Variants in ATP23 observed in about 807,000 individuals in gnomAD.
The protein encoded by ATP23 is ATP23 metallopeptidase and ATP synthase assembly factor homolog.
Under a neutral mutation model 28.5 loss-of-function variants are expected in ATP23, and 24 were observed. The ratio of observed to expected loss-of-function variants is 0.84; its 90% CI spans 0.61 to 1.18. The LOEUF (loss-of-function observed/expected upper bound fraction) is 1.18. ATP23 is among the 50% of genes most tolerant of loss of function. The probability of loss-of-function intolerance (pLI) is 0.00; values close to 1 mark genes in which losing one functional copy is unlikely to be tolerated. For synonymous variants in ATP23, 99 were observed against 108.6 expected, an observed-to-expected ratio of 0.91 and a Z score of 0.55; for missense variants, 274 against 306.4, an observed-to-expected ratio of 0.89 and a Z score of 0.79.
Position 57,941,616 on chromosome 12 carries a change from C to A in ATP23, c.-86C>A. The A allele has an allele frequency of 6.6e-7, 1 of 1,504,522 alleles. No homozygotes were observed. Among genetic ancestry groups the A allele is most frequent in the Non-Finnish European group, 8.9e-7 (1 of 1,127,714 alleles). 93.2% of individuals were successfully genotyped at this position (1,504,522 alleles called of 1,614,324 possible). ...CCTGCGGAGGGAGGGCCTGGGCGGT[C>A]GCGTTGGCGGGAGGGAGGTTACCTT... On this transcript the variant is annotated 5_prime_UTR_variant, in exon 1 of 6. Transcript: ENST00000300145.
chr12:57,944,472 T>C (rs1001075749), intron 1 of ATP23, among the ~76,000 whole-genome samples: 1 of 152,192 alleles, frequency 6.6e-6, no homozygotes, highest in African/African-American at 2.4e-5. Context: ...CATAGAGTCT[T>C]AGATGTGGAA....
intron 4 of ATP23, among the ~76,000 whole-genome samples, chr12:57,953,124 T>G (rs1178086847): frequency 6.6e-6 from 1 of 152,084 alleles, no homozygotes; most frequent in Admixed American, 6.5e-5. Context: ...CGGGCAAGGG[T>G]TGGGAGGGGC....
At position 57,944,214 on chromosome 12, in the gene ATP23, T is replaced by C. The variant is rs377206049; in HGVS notation, c.188-1414T>C. The stretch of plus-strand genomic sequence containing the variant: ...GTATTGTTAACAATAATTATTCTAC[T>C]GTGAACACTCTTGCAAGGGGCAGGT... On this transcript the variant is annotated intron_variant, in intron 1 of 5. Transcript: ENST00000300145. Among the ~76,000 whole-genome samples the C allele has an allele frequency of 5.6e-4, 85 of 152,300 alleles. 4 individuals carry two copies. The highest frequency in any genetic ancestry group is 3.1e-3 in the East Asian group (16 of 5,192).
chr12:57,947,494 T>C (rs978367532), intron 3 of ATP23, among the ~76,000 whole-genome samples: 2 of 151,970 alleles, frequency 1.3e-5, no homozygotes, highest in Admixed American at 1.3e-4. Flanking sequence ...TTGTCTAGTT[T>C]ATCTGGAGGG....
At chr12:57,945,902 G>T (rs1956756131) in intron 2 of ATP23, among the ~76,000 whole-genome samples, 2 of 145,702 alleles carry the variant, frequency 1.4e-5, no homozygotes, top group South Asian at 4.4e-4. Context: ...TCTCGCTCTT[G>T]TTGTCCAGGT....
At position 57,957,095 on chromosome 12, in the gene ATP23, T is replaced by C. The variant is rs867718899; in HGVS notation, c.*205T>C. 1.4e-5 allele frequency: 6 copies of C among 425,304 alleles called. No individual in the cohort carries two copies. In the South Asian group the frequency reaches 4.2e-4, roughly 29 times the overall value. 26.3% of individuals were successfully genotyped at this position (425,304 alleles called of 1,614,324 possible). ...AACTCCAAGGCAGAAATTGTATCTT[T>C]ATAGCTAACCATTTAGTAAATAAAT... On this transcript the variant is annotated 3_prime_UTR_variant, in exon 6 of 6. Coordinates refer to ENST00000300145, the MANE Select transcript of ATP23 (RefSeq NM_033276.4).
At chr12:57,951,698 T>C in intron 3 of ATP23, 60 bp from the exon 4 acceptor site, 1 of 1,590,206 alleles carries the variant, frequency 6.3e-7, no homozygotes, top group Non-Finnish European at 8.6e-7. Flanking sequence ...GGAGAGAAGA[T>C]CGAGTCTATG....
At chr12:57,955,067 A>G (rs1956852742) in intron 5 of ATP23, among the ~76,000 whole-genome samples, 1 of 152,064 alleles carries the variant, frequency 6.6e-6, no homozygotes, top group African/African-American at 2.4e-5. Context: ...GGGTGGAAGC[A>G]GGGTACACAT....
At chr12:57,953,841 G>C (rs554945513) in intron 5 of ATP23, 152 bp downstream of exon 5, 2 of 710,438 alleles carry the variant, frequency 2.8e-6, no homozygotes, top group East Asian at 5.4e-5. Context: ...AAAGTAGATG[G>C]AATTTAGTTC....
At chr12:57,950,364 C>G (rs935086189) in intron 3 of ATP23, among the ~76,000 whole-genome samples, 8 of 152,096 alleles carry the variant, frequency 5.3e-5, no homozygotes, top group Non-Finnish European at 1.0e-4. Flanking sequence ...TCCGTCAACC[C>G]TCCCTCTACG....
In ATP23 at chr12:57,956,697, G is replaced by A. The variant is rs745670998; in HGVS notation, c.548G>A (p.Arg183Gln). The stretch of plus-strand genomic sequence containing the variant: ...TTTCCTTCTTTTTAGACTTGTGTGC[G>A]AGACAGAGCCACTCTTTCTATCCTG... ...GLKQHHQTCV[R>Q]DRATLSILAV... Residue 183 changes from arginine to glutamine, a missense_variant, in exon 6 of 6, where the codon CGA (arginine) becomes CAA (glutamine). Coordinates refer to ENST00000300145, the MANE Select transcript of ATP23 (RefSeq NM_033276.4). 17 of 1,607,670 alleles carry A rather than the reference G, an allele frequency of 1.1e-5. No homozygotes were observed. Among genetic ancestry groups the A allele is most frequent in the East Asian group, 4.5e-5 (2 of 44,662 alleles).
chr12:57,958,486 C>G lies in ATP23; in HGVS notation c.*1596C>G, dbSNP rs565544392. 3.2e-4 allele frequency among the ~76,000 whole-genome samples: 48 copies of G among 152,056 alleles called. No individual in the cohort carries two copies. Among genetic ancestry groups the G allele is most frequent in the Non-Finnish European group, 6.5e-4 (44 of 68,022 alleles). ...AGAACCCTCATGGAGTCCATTGCAC[C>G]CCCCCTGCCACCTCCACTGGAACAG... On this transcript the variant is annotated 3_prime_UTR_variant, in exon 6 of 6. Coordinates refer to ENST00000300145, the MANE Select transcript of ATP23 (RefSeq NM_033276.4).
chr12:57,951,260 T>G (rs988357564), intron 3 of ATP23, among the ~76,000 whole-genome samples: 1 of 152,238 alleles, frequency 6.6e-6, no homozygotes, highest in Non-Finnish European at 1.5e-5. Context: ...TTTACATATA[T>G]TCTCATTTAA....
In ATP23 at chr12:57,945,407, A is replaced by AT. The variant is rs570493051; in HGVS notation, c.188-216dup. Among the ~76,000 whole-genome samples the AT allele has an allele frequency of 2.6e-5, 4 of 151,888 alleles. No homozygotes were observed. The South Asian group carries it at 8.3e-4, about 32-fold the overall frequency. ...GCCACCATGCCCAGCTAATTTTTGT[A>AT]TTTTTAGTAGAGACGGGGTTTGCCA... On this transcript the variant is annotated intron_variant, in intron 1 of 5. Transcript: ENST00000300145.
intron 4 of ATP23, among the ~76,000 whole-genome samples, chr12:57,953,113 T>G (rs572736217): frequency 4.6e-5 from 7 of 152,274 alleles, no homozygotes; most frequent in African/African-American, 1.7e-4. Context: ...CAAGGGAGAT[T>G]CGGGCAAGGG....
At chr12:57,946,252 G>A (rs1956759877) in intron 2 of ATP23, among the ~76,000 whole-genome samples, 3 of 152,042 alleles carry the variant, frequency 2.0e-5, no homozygotes, top group Admixed American at 2.0e-4. Context: ...ACCAAGCCTG[G>A]CCTTTCTGCT....
chr12:57,942,484 C>T (rs1382713198), intron 1 of ATP23, among the ~76,000 whole-genome samples: 1 of 149,116 alleles, frequency 6.7e-6, no homozygotes, highest in South Asian at 2.1e-4. Flanking sequence ...GGTGCAGTGG[C>T]GCGATCTTTG....
chr12:57,952,854 TC>T (rs2140538321), intron 4 of ATP23, among the ~76,000 whole-genome samples: 1 of 152,310 alleles, frequency 6.6e-6, no homozygotes, highest in South Asian at 2.1e-4. Flanking sequence ...AGTGGGCCAT[TC>T]TGTTAGCAAT....
At chr12:57,946,930 T>C (rs143021721) in intron 2 of ATP23, 65 bp from the exon 3 acceptor site, 337 of 1,468,808 alleles carry the variant, frequency 2.3e-4, no homozygotes, top group Non-Finnish European at 3.0e-4. Context: ...TCCTGAGCCC[T>C]GGCCCAGGGC....
Sources: gnomAD v4.1 joint callset for allele counts (sites outside exome capture counted in the v4.1 genomes callset) on GRCh38, gnomAD v4.1.1 for gene constraint, MANE v1.5 for transcripts, NCBI Gene and HGNC (gene_info 2026-07-23, HGNC 2026-07-21) for gene names.